SPPL3: variants seen among roughly 807,000 people sequenced by gnomAD.
SPPL3 encodes the protein signal peptide peptidase-like 3.
Under a neutral mutation model 42.4 loss-of-function variants are expected in SPPL3, and 5 were observed. The ratio of observed to expected loss-of-function variants is 0.12; its 90% CI spans 0.06 to 0.25. The LOEUF (loss-of-function observed/expected upper bound fraction) is 0.25. SPPL3 is among the 10% of genes least tolerant of loss of function. SPPL3 has a pLI of 1.00. For missense variants in SPPL3, 235 were observed against 489.0 expected (o/e 0.48, Z 4.90); for synonymous variants, 195 against 181.8 (o/e 1.07, Z -0.58).
At chr12:120,886,318 A>G (rs912773132) in intron 1 of SPPL3, among the ~76,000 whole-genome samples, 7 of 152,254 alleles carry the variant, frequency 4.6e-5, no homozygotes, top group African/African-American at 1.7e-4. Context: ...CTGATGAAAA[A>G]GGATGTGGTT....
chr12:120,796,720 C>CAG (rs2136990296), intron 2 of SPPL3, among the ~76,000 whole-genome samples: 1 of 152,250 alleles, frequency 6.6e-6, no homozygotes, highest in East Asian at 1.9e-4. Flanking sequence ...GGTAATTATT[C>CAG]TCTATCATTG....
At chr12:120,812,106 GAAAA>G (rs11406013) in intron 1 of SPPL3, among the ~76,000 whole-genome samples, 12 of 140,706 alleles carry the variant, frequency 8.5e-5, no homozygotes, top group Non-Finnish European at 7.7e-5. Context: ...CCATTTAGTG[GAAAA>G]AAAAAAAAAA....
intron 1 of SPPL3, among the ~76,000 whole-genome samples, chr12:120,877,894 C>T (rs540997869): frequency 3.3e-5 from 5 of 151,904 alleles, no homozygotes; most frequent in South Asian, 4.2e-4. Flanking sequence ...TGGTGGCTCA[C>T]GCCTATAATC....
At chr12:120,848,077 G>A (rs1266467170) in intron 1 of SPPL3, among the ~76,000 whole-genome samples, 1 of 152,190 alleles carries the variant, frequency 6.6e-6, no homozygotes, top group East Asian at 1.9e-4. Context: ...GGTGGTGCAT[G>A]TGCACAAGTA....
At chr12:120,792,696 C>CAA (rs57603403) in intron 2 of SPPL3, among the ~76,000 whole-genome samples, 6,603 of 70,886 alleles carry the variant, frequency 0.093, 306 homozygotes, top group African/African-American at 0.14. Flanking sequence ...GAGACTGTCT[C>CAA]AAAAAAAAAA....
intron 1 of SPPL3, among the ~76,000 whole-genome samples, chr12:120,841,406 T>C (rs577628902): frequency 1.4e-5 from 2 of 145,692 alleles, no homozygotes; most frequent in East Asian, 4.1e-4. Context: ...TTTGCTAGTG[T>C]ACTTTTAAGT....
chr12:120,861,762 A>C (rs1279412264), intron 1 of SPPL3, among the ~76,000 whole-genome samples: 1 of 152,236 alleles, frequency 6.6e-6, no homozygotes, highest in Non-Finnish European at 1.5e-5. Flanking sequence ...CTAACAGGTT[A>C]TCTTATTCCT....
chr12:120,884,837 G>A (rs1873403966), intron 1 of SPPL3, among the ~76,000 whole-genome samples: 1 of 138,002 alleles, frequency 7.2e-6, no homozygotes, highest in Admixed American at 8.3e-5. Context: ...TTTCAGAAAG[G>A]TAACAATGGT....
chr12:120,826,676 G>A (rs914736655), intron 1 of SPPL3, among the ~76,000 whole-genome samples: 5 of 152,012 alleles, frequency 3.3e-5, no homozygotes, highest in African/African-American at 7.2e-5. Context: ...TAATACCCTC[G>A]TTTTTCAGAA....
intron 1 of SPPL3, among the ~76,000 whole-genome samples, chr12:120,832,420 C>T (rs919448184): frequency 1.4e-4 from 21 of 152,110 alleles, no homozygotes; most frequent in African/African-American, 4.8e-4. Context: ...ACCTGTAATC[C>T]CAGCACTTTG....
chr12:120,783,773 A>C, intron 4 of SPPL3, 21 bp from the exon 5 acceptor site: 1 of 1,606,950 alleles, frequency 6.2e-7, no homozygotes, highest in Non-Finnish European at 8.5e-7. Context: ...AAAAGGTATA[A>C]TTTTTTAAAA....
At chr12:120,876,335 C>G (rs753465826) in intron 1 of SPPL3, among the ~76,000 whole-genome samples, 18 of 151,608 alleles carry the variant, frequency 1.2e-4, no homozygotes, top group Non-Finnish European at 2.1e-4. Context: ...TTGAATGGGC[C>G]AGGCACAGTG....
chr12:120,773,907 C>T (rs1869215152), intron 6 of SPPL3, among the ~76,000 whole-genome samples: 1 of 152,204 alleles, frequency 6.6e-6, no homozygotes, highest in South Asian at 2.1e-4. Flanking sequence ...TCTGGCCCTT[C>T]CTGAACTTTT....
At chr12:120,874,786 G>C (rs1039005644) in intron 1 of SPPL3, among the ~76,000 whole-genome samples, 5 of 151,878 alleles carry the variant, frequency 3.3e-5, no homozygotes, top group Admixed American at 2.6e-4. Context: ...TGTGTGTGCT[G>C]GTGGGGTAGG....
intron 1 of SPPL3, among the ~76,000 whole-genome samples, chr12:120,854,762 C>G (rs570281366): frequency 1.9e-4 from 29 of 152,274 alleles, no homozygotes; most frequent in Non-Finnish European, 3.1e-4. Flanking sequence ...CAAAGGTCAA[C>G]AAGAAGAAGC....
intron 2 of SPPL3, among the ~76,000 whole-genome samples, chr12:120,801,185 C>A (rs1232072430): frequency 1.3e-5 from 2 of 152,208 alleles, no homozygotes; most frequent in Admixed American, 6.5e-5. Flanking sequence ...AATTGAGAGT[C>A]TGACACCTTA....
chr12:120,768,335 C>T lies in SPPL3; in HGVS notation c.763G>A (p.Val255Ile). 1 of 1,613,410 alleles carries T rather than the reference C, an allele frequency of 6.2e-7. No homozygotes were observed. The highest frequency in any genetic ancestry group is 8.5e-7 in the Non-Finnish European group (1 of 1,179,624). Reference protein sequence around the residue: ...VPRLSLPGKLVFPSSTGSHFS... With the variant: ...VPRLSLPGKLIFPSSTGSHFS... Reference sequence around the variant, plus strand: ...AGCATGAGGTCTTACCTTGGGAAGACCAGTTTTCCAGGCAGAGACAGGCGA... The same window carrying T: ...AGCATGAGGTCTTACCTTGGGAAGATCAGTTTTCCAGGCAGAGACAGGCGA... Residue 255 changes from valine (V) to isoleucine (I), a missense_variant, in exon 8 of 11, where the codon GTC becomes ATC. Physicochemically the swap from Val to Ile is conservative, Grantham distance 29 (BLOSUM62 3). This residue lies in a region of SPPL3 where 20 missense variants were observed against 66.1 expected (regional missense o/e 0.30). Transcript: ENST00000353487.
intron 1 of SPPL3, among the ~76,000 whole-genome samples, chr12:120,856,228 T>C (rs989978357): frequency 1.3e-5 from 2 of 151,884 alleles, no homozygotes; most frequent in Non-Finnish European, 2.9e-5. Context: ...TGGCTTAGGC[T>C]TATGATGCAA....
chr12:120,778,952 AATTCAT>A (rs1869428741), intron 6 of SPPL3, among the ~76,000 whole-genome samples: 1 of 152,184 alleles, frequency 6.6e-6, no homozygotes, highest in Admixed American at 6.5e-5. Context: ...GTTTTGAGTT[AATTCAT>A]ATATTTGATG....
Sources: allele counts gnomAD v4.1 joint callset (sites outside exome capture counted in the v4.1 genomes callset), GRCh38; gene constraint gnomAD v4.1.1; regional missense constraint gnomAD v4.1.1; transcripts MANE v1.5; gene names NCBI Gene and HGNC (gene_info 2026-07-23, HGNC 2026-07-21).